The following ITGAD variants were observed in gnomAD, a reference collection of about 807,000 sequenced individuals.
ITGAD encodes the protein integrin subunit alpha D, also known as integrin alpha-D.
In ITGAD, 105 loss-of-function variants were observed where a neutral mutation model predicts 139.0. The ratio of observed to expected loss-of-function variants is 0.76; its 90% confidence interval spans 0.65 to 0.89. The LOEUF (loss-of-function observed/expected upper bound fraction) is 0.89, where lower values mean the gene tolerates loss of function less well. Among genes scored for constraint, ITGAD ranks in the 40% least tolerant of loss-of-function variants. The probability of loss-of-function intolerance (pLI) is 0.00; values close to 1 mark genes in which losing one functional copy is unlikely to be tolerated. For missense variants in ITGAD, 1,384 were observed against 1,487.3 expected (o/e 0.93, Z 1.14); for synonymous variants, 569 against 598.3 (o/e 0.95, Z 0.71).
At chr16:31,394,090 C>T (rs532664737) in intron 1 of ITGAD, 146 bp from the exon 2 acceptor site, 42 of 508,410 alleles carry the variant, frequency 8.3e-5, no homozygotes, top group South Asian at 8.2e-4. Context: ...GAGATCGTGC[C>T]GTTGCACTCC....
At chr16:31,410,262 G>A in intron 10 of ITGAD, 133 bp from the exon 11 acceptor site, 1 of 1,225,806 alleles carries the variant, frequency 8.2e-7, no homozygotes, top group Non-Finnish European at 1.2e-6. Context: ...GAGGCACAGA[G>A]GCTGCTGGTG....
rs577955313 is a variant in ITGAD at position 31,426,328 on chromosome 16, C to T, written c.*200C>T. 16 of 522,862 alleles carry T rather than the reference C, an allele frequency of 3.1e-5. No homozygotes were observed. The East Asian group carries it at 5.2e-4, about 17-fold the overall frequency. 32.4% of individuals were successfully genotyped at this position (522,862 alleles called of 1,614,324 possible). A position where few individuals can be genotyped will look rare whatever the true frequency, so the allele number is the denominator to read the frequency against. On this transcript the variant is annotated 3_prime_UTR_variant, in exon 30 of 30. Transcript: ENST00000389202. ...TTTTTCAGCAATGACCCACTTTTTA[C>T]AGAAGCAGGCATGGTGCCAGCATAA...
chr16:31,399,136 T>C (rs1597109432), intron 5 of ITGAD, among the ~76,000 whole-genome samples: 1 of 152,188 alleles, frequency 6.6e-6, no homozygotes, highest in South Asian at 2.1e-4. Flanking sequence ...GTCTGCATCA[T>C]GGTGGTTCCC....
intron 2 of ITGAD, among the ~76,000 whole-genome samples, chr16:31,396,786 G>A (rs866447637): frequency 2.0e-4 from 31 of 152,334 alleles, no homozygotes; most frequent in African/African-American, 6.7e-4. Context: ...CACTCAGGGA[G>A]TTTTGCAAAT....
rs558168500 is a variant in ITGAD at position 31,410,661 on chromosome 16, C to T, written c.1214-75C>T. The T allele has an allele frequency of 6.4e-5, 81 of 1,274,224 alleles. No individual in the cohort carries two copies. In the East Asian group the frequency reaches 1.1e-3, roughly 17 times the overall value. The allele number at this position is 1,274,224 out of a possible 1,614,324, so 78.9% of individuals were successfully genotyped here. On this transcript the variant is annotated intron_variant, in intron 11 of 29. Coordinates refer to ENST00000389202, the MANE Select transcript of ITGAD (RefSeq NM_005353.3). ...TTCTGGGGAGGGGAGATGGGGGCTG[C>T]GCTGCCTGGGGTGGGGGTCCAGGGT...
chr16:31,423,137 TCAACTTTG>T lies in ITGAD; in HGVS notation c.2809_2816del (p.Phe937LeufsTer3). ...AGGCAGGAAGAATCCACCAAGTACT[TCAACTTTG>T]CAACCTCCGATGAGAAGAAAATGAA... On this transcript the variant is annotated frameshift_variant, in exon 24 of 30. Coordinates refer to ENST00000389202, the MANE Select transcript of ITGAD (RefSeq NM_005353.3). LOFTEE classifies it high-confidence loss of function. 2 of 1,614,148 alleles carry T rather than the reference TCAACTTTG, an allele frequency of 1.2e-6. No homozygotes were observed. The highest frequency in any genetic ancestry group is 1.7e-6 in the Non-Finnish European group (2 of 1,180,000).
chr16:31,407,867 C>T lies in ITGAD; in HGVS notation c.960C>T (p.Ala320=), dbSNP rs145577588. Residue 320 remains alanine (A), a synonymous_variant, in exon 9 of 30, where the codon GCC becomes GCT. Transcript: ENST00000389202. Reference sequence around the variant, plus strand: ...TGTTCAAGGTGGACAACTTTGCAGCCCTTGGCAGCATCCAGAAGCAGCTGC... The same window carrying T: ...TGTTCAAGGTGGACAACTTTGCAGCTCTTGGCAGCATCCAGAAGCAGCTGC... ...DHVFKVDNFA[A]LGSIQKQLQE... is the part of the protein sequence containing the mutation. The T allele has an allele frequency of 1.8e-5, 29 of 1,601,316 alleles. No individual in the cohort carries two copies. The African/African-American group carries it at 3.6e-4, about 20-fold the overall frequency.
Position 31,424,978 on chromosome 16 carries a change from G to A in ITGAD, c.3372+401G>A, listed in dbSNP as rs139386474. Among the ~76,000 whole-genome samples, 377 of 152,298 alleles carry A rather than the reference G, an allele frequency of 2.5e-3. 1 individual carries two copies. Among genetic ancestry groups the A allele is most frequent in the African/African-American group, 8.7e-3 (363 of 41,552 alleles). ...TGATATAGTGAGAACTCAGACTGTG[G>A]AGGCAGACAGGCCTGGACACACATT... is the stretch of plus-strand genomic sequence containing the variant. On this transcript the variant is annotated intron_variant, in intron 29 of 29. Coordinates refer to ENST00000389202, the MANE Select transcript of ITGAD (RefSeq NM_005353.3).
rs377452199 is a variant in ITGAD, at chr16:31,423,096, C to T, written c.2781-18C>T. ...GACAGTTTCAGGGCTGTTTTTCACCCACAGGCTCTCTCTCCAGGCAGGAAG... is the reference window on the plus strand; with the variant it reads ...GACAGTTTCAGGGCTGTTTTTCACCTACAGGCTCTCTCTCCAGGCAGGAAG... On this transcript the variant is annotated intron_variant, in intron 23 of 29. Transcript: ENST00000389202. 1.4e-5 allele frequency: 22 copies of T among 1,610,492 alleles called. No individual in the cohort carries two copies. Among genetic ancestry groups the T allele is most frequent in the Admixed American group, 1.7e-5 (1 of 60,022 alleles).
At position 31,414,994 on chromosome 16, in the gene ITGAD, G is replaced by C; in HGVS notation, c.2283+3G>C. On this transcript the variant is annotated splice_donor_region_variant and intron_variant, in intron 18 of 29. Coordinates refer to ENST00000389202, the MANE Select transcript of ITGAD (RefSeq NM_005353.3). The stretch of plus-strand genomic sequence containing the variant: ...CACAAGACCTCTTCACTGCTTCTGT[G>C]AGTCTTCTGATGAAGTCCCAGGGAT... 1.2e-6 allele frequency: 2 copies of C among 1,613,904 alleles called. No individual in the cohort carries two copies. The highest frequency in any genetic ancestry group is 1.7e-6 in the Non-Finnish European group (2 of 1,179,960).
intron 28 of ITGAD, 111 bp from the exon 29 acceptor site, chr16:31,424,356 C>T (rs4312323): frequency 0.024 from 30,617 of 1,253,618 alleles, 486 homozygotes; most frequent in Non-Finnish European, 0.031. Context: ...GCTACTGTGT[C>T]TCACTCCTTG....
At position 31,414,999 on chromosome 16, in the gene ITGAD, T is replaced by C; in HGVS notation, c.2283+8T>C. ...GACCTCTTCACTGCTTCTGTGAGTC[T>C]TCTGATGAAGTCCCAGGGATGTGCT... is the stretch of plus-strand genomic sequence containing the variant. On this transcript the variant is annotated splice_region_variant and intron_variant, in intron 18 of 29. Coordinates refer to ENST00000389202, the MANE Select transcript of ITGAD (RefSeq NM_005353.3). The C allele has an allele frequency of 2.5e-6, 4 of 1,613,866 alleles. No individual in the cohort carries two copies. Among genetic ancestry groups the C allele is most frequent in the Non-Finnish European group, 3.4e-6 (4 of 1,179,904 alleles).
At chr16:31,413,361 C>T (rs2081790198) in intron 16 of ITGAD, 115 bp downstream of exon 16, 4 of 1,133,800 alleles carry the variant, frequency 3.5e-6, no homozygotes, top group South Asian at 3.0e-5. Flanking sequence ...TCACTCACCA[C>T]CTGTGCCAGA....
intron 24 of ITGAD, 79 bp from the exon 25 acceptor site, chr16:31,423,273 C>T: frequency 6.3e-7 from 1 of 1,582,774 alleles, no homozygotes; most frequent in South Asian, 1.1e-5. Flanking sequence ...GGAGAGGAGC[C>T]TTGGGGTAGG....
Position 31,426,344 on chromosome 16 carries a change from G to A in ITGAD, c.*216G>A. ...CACTTTTTACAGAAGCAGGCATGGT[G>A]CCAGCATAAATTTTCATATGCTTAA... is the stretch of plus-strand genomic sequence containing the variant. On this transcript the variant is annotated 3_prime_UTR_variant, in exon 30 of 30. Transcript: ENST00000389202. 1 of 497,980 alleles carries A rather than the reference G, an allele frequency of 2.0e-6. No individual in the cohort carries two copies. Among genetic ancestry groups the A allele is most frequent in the Non-Finnish European group, 3.6e-6 (1 of 276,156 alleles). The allele number at this position is 497,980 out of a possible 1,614,324, so 30.8% of individuals were successfully genotyped here. A position where few individuals can be genotyped will look rare whatever the true frequency, so the allele number is the denominator to read the frequency against.
At position 31,423,704 on chromosome 16, in the gene ITGAD, G is replaced by C. The variant is rs2082053364; in HGVS notation, c.3045+56G>C. ...GATCAGCCCCCACCGGGGATACTGGGAAATGTACTGCTAGGCCACAGAGTT... is the reference window on the plus strand; with the variant it reads ...GATCAGCCCCCACCGGGGATACTGGCAAATGTACTGCTAGGCCACAGAGTT... On this transcript the variant is annotated intron_variant, in intron 26 of 29. Transcript: ENST00000389202. 24 of 1,555,568 alleles carry C rather than the reference G, an allele frequency of 1.5e-5. 1 individual carries two copies. In the South Asian group the frequency reaches 2.7e-4, roughly 17 times the overall value.
chr16:31,409,944 T>G (rs1187596333), intron 10 of ITGAD, among the ~76,000 whole-genome samples: 1 of 147,354 alleles, frequency 6.8e-6, no homozygotes, highest in Non-Finnish European at 1.5e-5. Context: ...AAGGATGAAG[T>G]TGACTCTTCC....
rs768584941 is a variant in ITGAD at position 31,403,451 on chromosome 16, C to A, written c.559-49C>A. 3.1e-6 allele frequency: 5 copies of A among 1,602,560 alleles called. No individual in the cohort carries two copies. The highest frequency in any genetic ancestry group is 3.4e-6 in the Non-Finnish European group (4 of 1,173,220). On this transcript the variant is annotated intron_variant, in intron 6 of 29. Transcript: ENST00000389202. The surrounding 1 kb of genome is among the most constrained non-coding windows in gnomAD (Gnocchi z 4.4). ...TCTCTACAAAAAATTAAAATAAAAA[C>A]AATAGTAACAGGCACTGAGCCCTGG...
rs932773566 is a variant in ITGAD at position 31,412,336 on chromosome 16, G to A, written c.1708-502G>A. The stretch of plus-strand genomic sequence containing the variant: ...TCGGATTACAAGCGTGAGCCACTCC[G>A]CCTGGCTGTATTTGCTTTCAATTTC... On this transcript the variant is annotated intron_variant, in intron 14 of 29. Transcript: ENST00000389202. 1.2e-4 allele frequency among the ~76,000 whole-genome samples: 18 copies of A among 152,198 alleles called. No homozygotes were observed. The South Asian group carries it at 2.7e-3, about 23-fold the overall frequency.
Sources: gnomAD v4.1 joint callset for allele counts (sites outside exome capture counted in the v4.1 genomes callset) on GRCh38, gnomAD v4.1.1 for gene constraint, Gnocchi (gnomAD v3.1) non-coding constraint, MANE v1.5 for transcripts, NCBI Gene and HGNC (gene_info 2026-07-23, HGNC 2026-07-21) for gene names.